USP48: variants seen among roughly 807,000 people sequenced by gnomAD.
USP48 encodes ubiquitin specific peptidase 48.
Under a neutral mutation model 150.7 loss-of-function variants are expected in USP48, and 43 were observed. The observed-to-expected ratio is 0.29, with a 90% CI of 0.22 to 0.37. The LOEUF (loss-of-function observed/expected upper bound fraction) is 0.37, where lower values mean the gene tolerates loss of function less well. Among genes scored for constraint, USP48 ranks in the 10% least tolerant of loss-of-function variants. USP48 has a pLI of 1.00. For synonymous variants in USP48, 396 were observed against 425.9 expected, an observed-to-expected ratio of 0.93 and a Z score of 0.86; for missense variants, 813 against 1,249.6, an observed-to-expected ratio of 0.65 and a Z score of 5.27.
intron 14 of USP48, among the ~76,000 whole-genome samples, chr1:21,718,025 T>C (rs1419010774): frequency 1.3e-5 from 2 of 152,234 alleles, no homozygotes; most frequent in Non-Finnish European, 2.9e-5. Flanking sequence ...CTAATATGCA[T>C]ATATTGAAGA....
intron 3 of USP48, among the ~76,000 whole-genome samples, chr1:21,755,015 T>C (rs2097828023): frequency 1.3e-5 from 2 of 152,174 alleles, no homozygotes; most frequent in South Asian, 4.1e-4. Context: ...TTGTTCCCTG[T>C]ATCTGCTGTC....
chr1:21,681,083 A>G (rs1159879665), intron 25 of USP48: 1 of 371,760 alleles, frequency 2.7e-6, no homozygotes, highest in Non-Finnish European at 4.8e-6. Context: ...TAACTAGGGC[A>G]CACCTAGTGC....
intron 11 of USP48, among the ~76,000 whole-genome samples, chr1:21,727,046 G>GA (rs1480335125): frequency 6.6e-6 from 1 of 151,886 alleles, no homozygotes; most frequent in Admixed American, 6.6e-5. Flanking sequence ...AAAAACATCT[G>GA]AAACACTTTA....
intron 15 of USP48, among the ~76,000 whole-genome samples, chr1:21,707,280 A>G (rs2097675374): frequency 6.6e-6 from 1 of 152,204 alleles, no homozygotes; most frequent in Non-Finnish European, 1.5e-5. Flanking sequence ...AAAGGTTATC[A>G]TTTCCTGCAG....
chr1:21,734,822 C>G (rs1053634359), intron 9 of USP48, among the ~76,000 whole-genome samples: 5 of 152,198 alleles, frequency 3.3e-5, no homozygotes, highest in Non-Finnish European at 5.9e-5. Context: ...TGATAAACAG[C>G]TCAGGAGATG....
At chr1:21,716,246 C>T (rs1234215173) in intron 14 of USP48, among the ~76,000 whole-genome samples, 1 of 152,028 alleles carries the variant, frequency 6.6e-6, no homozygotes, top group Non-Finnish European at 1.5e-5. Context: ...ACCTGAATTG[C>T]CAACATTACC....
In USP48 at chr1:21,752,862, A is replaced by G; in HGVS notation, c.540+130T>C. ...ATGTGTAAACTATTGGACAGTAAATAAAGGTTTTCATTCAAAATAGAAAAA... is the reference window on the plus strand; with the variant it reads ...ATGTGTAAACTATTGGACAGTAAATGAAGGTTTTCATTCAAAATAGAAAAA... On this transcript the variant is annotated intron_variant, in intron 4 of 26. Coordinates refer to ENST00000308271, the MANE Select transcript of USP48 (RefSeq NM_032236.8). 1.3e-5 allele frequency: 17 copies of G among 1,300,738 alleles called. No homozygotes were observed. In the South Asian group the frequency reaches 2.5e-4, roughly 19 times the overall value. 80.6% of individuals were successfully genotyped at this position (1,300,738 alleles called of 1,614,324 possible). A position where few individuals can be genotyped will look rare whatever the true frequency, so the allele number is the denominator to read the frequency against.
At chr1:21,679,851 G>A (rs1271431689) in intron 26 of USP48, among the ~76,000 whole-genome samples, 1 of 152,136 alleles carries the variant, frequency 6.6e-6, no homozygotes, top group African/African-American at 2.4e-5. Context: ...ACGCCACCAT[G>A]CCCGGCTAAT....
chr1:21,750,550 A>G (rs1269147244), intron 6 of USP48, among the ~76,000 whole-genome samples: 4 of 152,134 alleles, frequency 2.6e-5, no homozygotes, highest in Admixed American at 2.0e-4. Flanking sequence ...CCAACAGCTG[A>G]AACACTGCCT....
intron 20 of USP48, among the ~76,000 whole-genome samples, 165 bp from the exon 21 acceptor site, chr1:21,703,783 G>C (rs2097664354): frequency 6.6e-6 from 1 of 152,198 alleles, no homozygotes; most frequent in Non-Finnish European, 1.5e-5. Flanking sequence ...CCAGGCTGGG[G>C]TACAGTGGTA....
intron 24 of USP48, 125 bp from the exon 25 acceptor site, chr1:21,687,364 A>C (rs2097582832): frequency 2.2e-6 from 2 of 895,070 alleles, no homozygotes; most frequent in African/African-American, 3.3e-5. Context: ...TAGATAACTC[A>C]GTTTCAGCCA....
intron 23 of USP48, among the ~76,000 whole-genome samples, chr1:21,694,608 C>CAAAAAAAAAAAAAAA (rs1491189889): frequency 3.5e-5 from 1 of 28,982 alleles, no homozygotes; most frequent in South Asian, 2.3e-3. Context: ...AAAAAAAAAA[C>CAAAAAAAAAAAAAAA]CCCCTCTATC....
chr1:21,719,223 A>G (rs1269235536), intron 14 of USP48, among the ~76,000 whole-genome samples: 1 of 150,538 alleles, frequency 6.6e-6, no homozygotes, highest in Non-Finnish European at 1.5e-5. Context: ...CAGAGGTTGC[A>G]GTGAGCCAAG....
At chr1:21,770,509 G>C (rs1398217231) in intron 1 of USP48, among the ~76,000 whole-genome samples, 2 of 138,790 alleles carry the variant, frequency 1.4e-5, no homozygotes, top group Non-Finnish European at 1.5e-5. Flanking sequence ...TTGAGACAGA[G>C]CTCACTCTGT....
At chr1:21,745,999 A>G (rs1416161139) in intron 8 of USP48, among the ~76,000 whole-genome samples, 1 of 152,228 alleles carries the variant, frequency 6.6e-6, no homozygotes, top group Admixed American at 6.5e-5. Context: ...AGAGTATCAT[A>G]CATTTGAAAG....
chr1:21,694,898 C>T (rs1307862839), intron 23 of USP48, among the ~76,000 whole-genome samples, 168 bp downstream of exon 23: 1 of 152,124 alleles, frequency 6.6e-6, no homozygotes. Flanking sequence ...GTTTCCAGAA[C>T]CCAAAATTCA....
At chr1:21,775,425 C>T (rs962508521) in intron 1 of USP48, among the ~76,000 whole-genome samples, 4 of 152,248 alleles carry the variant, frequency 2.6e-5, no homozygotes, top group South Asian at 2.1e-4. Context: ...CCACCATGCC[C>T]GGCTAATTTA....
chr1:21,681,976 G>A (rs561424832), intron 25 of USP48, among the ~76,000 whole-genome samples: 2 of 152,198 alleles, frequency 1.3e-5, no homozygotes, highest in South Asian at 2.1e-4. Context: ...AGGTGTCTTC[G>A]CTGCCTGCTG....
chr1:21,679,839 G>A (rs184278710), intron 26 of USP48, among the ~76,000 whole-genome samples: 133 of 152,248 alleles, frequency 8.7e-4, no homozygotes, highest in African/African-American at 3.1e-3. Context: ...GATTACAGGC[G>A]CACGCCACCA....
Sources: allele counts gnomAD v4.1 joint callset (sites outside exome capture counted in the v4.1 genomes callset), GRCh38; gene constraint gnomAD v4.1.1; transcripts MANE v1.5; gene names NCBI Gene and HGNC (gene_info 2026-07-23, HGNC 2026-07-21).